The following RAPGEF2 variants were observed in gnomAD, a reference collection of about 807,000 sequenced individuals.
RAPGEF2 encodes PDZ domain containing guanine nucleotide exchange factor (GEF) 1.
A neutral mutation model predicts 186.7 loss-of-function variants in RAPGEF2; 54 were observed. That is an observed-to-expected ratio of 0.29 (90% CI 0.23 to 0.36). The LOEUF is 0.36. Among genes scored for constraint, RAPGEF2 ranks in the 10% least tolerant of loss-of-function variants. The pLI is 1.00. For synonymous variants in RAPGEF2, 712 were observed against 705.9 expected (o/e 1.01, Z -0.14); for missense variants, 1,532 against 2,045.0 (o/e 0.75, Z 4.84).
At chr4:159,322,847 C>T (rs1765422161) in intron 10 of RAPGEF2, among the ~76,000 whole-genome samples, 1 of 152,098 alleles carries the variant, frequency 6.6e-6, no homozygotes, top group Admixed American at 6.5e-5. Flanking sequence ...TCTTGTGAGA[C>T]TTATTCACTA....
At chr4:159,228,416 G>C (rs546797001) in intron 4 of RAPGEF2, 2 of 152,158 alleles carry the variant, frequency 1.3e-5, no homozygotes, top group African/African-American at 4.8e-5. Flanking sequence ...AATGTTTAGT[G>C]CTTGTTAAAT....
chr4:159,292,532 C>T (rs564329977), intron 7 of RAPGEF2, among the ~76,000 whole-genome samples: 8 of 152,288 alleles, frequency 5.3e-5, no homozygotes, highest in African/African-American at 1.9e-4. Flanking sequence ...CCAACACAGA[C>T]ACACAAATAC....
At chr4:159,156,992 G>T (rs990195508) in intron 1 of RAPGEF2, among the ~76,000 whole-genome samples, 14 of 152,152 alleles carry the variant, frequency 9.2e-5, no homozygotes, top group African/African-American at 1.4e-4. Context: ...AGGGGCTCAG[G>T]AATATGTATT....
chr4:159,188,058 G>C (rs1031657646), intron 2 of RAPGEF2, among the ~76,000 whole-genome samples: 1 of 151,042 alleles, frequency 6.6e-6, no homozygotes, highest in Admixed American at 6.6e-5. Flanking sequence ...AAAACCACTG[G>C]GATTTTAGAA....
In RAPGEF2 at chr4:159,280,128, A is replaced by G. The variant is rs184929418; in HGVS notation, c.544-24214A>G. 1.1e-3 allele frequency among the ~76,000 whole-genome samples: 171 copies of G among 152,208 alleles called. 1 individual carries two copies. Among genetic ancestry groups the G allele is most frequent in the African/African-American group, 3.8e-3 (159 of 41,534 alleles). On this transcript the variant is annotated intron_variant, in intron 7 of 29. Coordinates refer to ENST00000691494, the MANE Select transcript of RAPGEF2 (RefSeq NM_001394067.2). Reference sequence around the variant, plus strand: ...GGATTTAGAAAATAATCCTGCTTTGACTTACTATTTGGGTGATATGATTGC... The same window carrying G: ...GGATTTAGAAAATAATCCTGCTTTGGCTTACTATTTGGGTGATATGATTGC...
chr4:159,156,268 C>T (rs1405905665), intron 1 of RAPGEF2, among the ~76,000 whole-genome samples: 1 of 152,130 alleles, frequency 6.6e-6, no homozygotes, highest in Admixed American at 6.6e-5. Context: ...CTTAACATCC[C>T]ACAGCACTTG....
At chr4:159,280,755 T>C (rs1759579780) in intron 7 of RAPGEF2, among the ~76,000 whole-genome samples, 1 of 152,230 alleles carries the variant, frequency 6.6e-6, no homozygotes, top group South Asian at 2.1e-4. Context: ...GCAAAACTTA[T>C]TAACAATACT....
chr4:159,166,965 T>C (rs1194323690), intron 1 of RAPGEF2, among the ~76,000 whole-genome samples: 4 of 152,158 alleles, frequency 2.6e-5, no homozygotes, highest in Non-Finnish European at 5.9e-5. Context: ...AAGGGACATA[T>C]TACAGCAGGG....
At chr4:159,104,522 GAGAGGGAGAGAC>G (rs577835555) in intron 1 of RAPGEF2, among the ~76,000 whole-genome samples, 1,365 of 126,752 alleles carry the variant, frequency 0.011, 22 homozygotes, top group Admixed American at 0.015. Context: ...GAGAGAGAGA[GAGAGGGAGAGAC>G]AGAGAGAGAG....
intron 1 of RAPGEF2, among the ~76,000 whole-genome samples, chr4:159,145,796 AGATCTAAG>A (rs1742898971): frequency 6.6e-6 from 1 of 152,212 alleles, no homozygotes; most frequent in Non-Finnish European, 1.5e-5. Context: ...AGGGCTGAGC[AGATCTAAG>A]CCATCAGGTG....
rs1215403664 is a variant in RAPGEF2, at chr4:159,331,724, C to A, written c.1670C>A (p.Pro557His). The change falls in exon 15 of 30, where the codon CCT becomes CAT. Residue 557 changes from proline to histidine, a missense_variant. Transcript: ENST00000691494. ...MTLTKPSREAPLPFILLGGSE... is the reference protein window; with the variant it reads ...MTLTKPSREAHLPFILLGGSE... ...TTAACAAAACCATCCCGAGAAGCTC[C>A]TTTGCCTTTTATCTTACTTGGAGGC... 6.2e-7 allele frequency: 1 copy of A among 1,613,978 alleles called. No homozygotes were observed. The highest frequency in any genetic ancestry group is 1.7e-5 in the Admixed American group (1 of 59,996).
At chr4:159,267,135 A>AGT in intron 7 of RAPGEF2, 2 of 1,262,846 alleles carry the variant, frequency 1.6e-6, no homozygotes, top group South Asian at 2.6e-5. Context: ...AACTGCATTG[A>AGT]GTGTGAGCCT....
chr4:159,118,388 T>G (rs1739284324), intron 1 of RAPGEF2, among the ~76,000 whole-genome samples: 1 of 152,182 alleles, frequency 6.6e-6, no homozygotes, highest in South Asian at 2.1e-4. Flanking sequence ...TCGTGCTGAT[T>G]CTACATTACG....
chr4:159,253,750 C>T (rs574990051), intron 7 of RAPGEF2, among the ~76,000 whole-genome samples: 16 of 152,106 alleles, frequency 1.1e-4, no homozygotes, highest in Non-Finnish European at 1.9e-4. Flanking sequence ...GGGCGGATCA[C>T]GAGGTCAGGA....
intron 9 of RAPGEF2, among the ~76,000 whole-genome samples, chr4:159,320,388 C>G (rs1345759196): frequency 6.6e-6 from 1 of 152,176 alleles, no homozygotes; most frequent in Non-Finnish European, 1.5e-5. Context: ...GACACTCCTA[C>G]TCATTCCAGA....
chr4:159,275,091 GTGTGTA>G (rs1277599098), intron 7 of RAPGEF2, among the ~76,000 whole-genome samples: 3 of 146,822 alleles, frequency 2.0e-5, no homozygotes, highest in Non-Finnish European at 4.5e-5. Context: ...GTGTGTGTGT[GTGTGTA>G]TGATATATGA....
At chr4:159,246,438 A>G (rs1278065718) in intron 7 of RAPGEF2, among the ~76,000 whole-genome samples, 1 of 152,172 alleles carries the variant, frequency 6.6e-6, no homozygotes, top group East Asian at 1.9e-4. Context: ...AACTAAGGTT[A>G]TTATTCTGTA....
intron 7 of RAPGEF2, among the ~76,000 whole-genome samples, chr4:159,281,213 C>T (rs1759657707): frequency 6.6e-6 from 1 of 151,780 alleles, no homozygotes; most frequent in Non-Finnish European, 1.5e-5. Context: ...GATGGTCTCG[C>T]TCTTTTGACC....
intron 7 of RAPGEF2, chr4:159,267,979 A>C: frequency 7.1e-7 from 1 of 1,405,172 alleles, no homozygotes; most frequent in Non-Finnish European, 9.2e-7. Flanking sequence ...TTTCTGGTCT[A>C]CAAGTGTGAA....
Sources: gnomAD v4.1 joint callset for allele counts (sites outside exome capture counted in the v4.1 genomes callset) on GRCh38, gnomAD v4.1.1 for gene constraint, MANE v1.5 for transcripts, NCBI Gene and HGNC (gene_info 2026-07-23, HGNC 2026-07-21) for gene names.